Variants in TRPS1 observed in about 807,000 individuals in gnomAD.
TRPS1 encodes transcriptional repressor GATA binding 1, also known as zinc finger transcription factor Trps1.
A neutral mutation model predicts 101.2 loss-of-function variants in TRPS1; 6 were observed. The observed-to-expected ratio is 0.06, with a 90% CI of 0.03 to 0.12. TRPS1 has a LOEUF of 0.12. Ranked by LOEUF, TRPS1 falls within the 10% of genes least tolerant of loss-of-function variation. The pLI is 1.00. For missense variants in TRPS1, 1,363 were observed against 1,567.0 expected (o/e 0.87, Z 2.20); for synonymous variants, 578 against 589.8 (o/e 0.98, Z 0.29).
At chr8:115,641,116 G>A (rs559612814) in intron 1 of TRPS1, among the ~76,000 whole-genome samples, 1 of 152,246 alleles carries the variant, frequency 6.6e-6, no homozygotes, top group South Asian at 2.1e-4. Flanking sequence ...TAGATACACC[G>A]ACACTGTCAC....
At chr8:115,538,194 G>A (rs539614138) in intron 5 of TRPS1, among the ~76,000 whole-genome samples, 1 of 152,242 alleles carries the variant, frequency 6.6e-6, no homozygotes, top group South Asian at 2.1e-4. Context: ...GATTAGTGAT[G>A]GGTGAAACCA....
At position 115,414,061 on chromosome 8, in the gene TRPS1, T is replaced by C. The variant is rs751899162; in HGVS notation, c.3847A>G (p.Asn1283Asp). 1.9e-6 allele frequency: 3 copies of C among 1,613,786 alleles called. No homozygotes were observed. The highest frequency in any genetic ancestry group is 2.5e-6 in the Non-Finnish European group (3 of 1,179,788). ...THIQRGLHRN[N>D]AQVEKNGKPK... is the part of the protein sequence containing the mutation. ...TTTCCATTTTTTTCCACTTGTGCAT[T>C]GTTCCTATGCAGGCCCCTCTGGATA... The change falls in exon 7 of 7, where the codon AAT (asparagine) becomes GAT (aspartate). Residue 1283 changes from asparagine (N) to aspartate (D), a missense_variant. Coordinates refer to ENST00000395715, the MANE Select transcript of TRPS1 (RefSeq NM_014112.5). This position sits in a 1 kb window ranked among gnomAD's most constrained non-coding sequence, Gnocchi z 4.8.
At chr8:115,446,940 T>A (rs979198117) in intron 5 of TRPS1, among the ~76,000 whole-genome samples, 1 of 152,082 alleles carries the variant, frequency 6.6e-6, no homozygotes, top group African/African-American at 2.4e-5. Flanking sequence ...TACAATACTG[T>A]TTTTCAAAGG....
intron 5 of TRPS1, among the ~76,000 whole-genome samples, chr8:115,483,165 G>C (rs527317300): frequency 1.3e-5 from 2 of 152,230 alleles, no homozygotes; most frequent in African/African-American, 4.8e-5. Flanking sequence ...AGTGAGAGAG[G>C]AAGTAAAAAA....
At chr8:115,441,888 AGAGAGAGAGAGT>A (rs1813603223) in intron 5 of TRPS1, among the ~76,000 whole-genome samples, 1 of 142,852 alleles carries the variant, frequency 7.0e-6, no homozygotes, top group South Asian at 2.3e-4. Flanking sequence ...AGAGAGAGAG[AGAGAGAGAGAGT>A]GTGTGTGTGT....
chr8:115,524,823 T>A (rs1002713063), intron 5 of TRPS1, among the ~76,000 whole-genome samples: 2 of 152,208 alleles, frequency 1.3e-5, no homozygotes, highest in African/African-American at 4.8e-5. Flanking sequence ...AATAAACATC[T>A]TAGTATCGAT....
chr8:115,488,450 G>A (rs898836496), intron 5 of TRPS1, among the ~76,000 whole-genome samples: 1 of 152,132 alleles, frequency 6.6e-6, no homozygotes, highest in African/African-American at 2.4e-5. Flanking sequence ...CAGCCCTTTG[G>A]GAGGCCAAAG....
chr8:115,622,802 T>A (rs1322889110), intron 2 of TRPS1, among the ~76,000 whole-genome samples: 1 of 152,070 alleles, frequency 6.6e-6, no homozygotes, highest in African/African-American at 2.4e-5. Context: ...TTCATTAAGG[T>A]TAGCCTTCCA....
intron 4 of TRPS1, among the ~76,000 whole-genome samples, chr8:115,596,703 T>C (rs967522582): frequency 2.6e-5 from 4 of 151,820 alleles, no homozygotes; most frequent in African/African-American, 9.7e-5. Flanking sequence ...CATATATCTA[T>C]GTGCATATAT....
At chr8:115,498,425 A>T (rs4027188) in intron 5 of TRPS1, among the ~76,000 whole-genome samples, 1 of 80,884 alleles carries the variant, frequency 1.2e-5, no homozygotes. Context: ...CTATATATAT[A>T]TATATATATA....
At chr8:115,480,737 T>G (rs1480125309) in intron 5 of TRPS1, among the ~76,000 whole-genome samples, 1 of 152,140 alleles carries the variant, frequency 6.6e-6, no homozygotes, top group Non-Finnish European at 1.5e-5. Context: ...AATAGAAAGC[T>G]TCTTTTAAAA....
chr8:115,490,761 T>C (rs1815000890), intron 5 of TRPS1, among the ~76,000 whole-genome samples: 1 of 152,172 alleles, frequency 6.6e-6, no homozygotes, highest in Admixed American at 6.5e-5. Context: ...GAATCTTACC[T>C]TTAAGTTAAT....
At chr8:115,581,584 T>C (rs978295967) in intron 5 of TRPS1, among the ~76,000 whole-genome samples, 7 of 152,088 alleles carry the variant, frequency 4.6e-5, no homozygotes, top group Non-Finnish European at 4.4e-5. Flanking sequence ...AGCAGACTTA[T>C]AGAAAAGAAA....
rs555274064 is a variant in TRPS1 at position 115,533,653 on chromosome 8, T to C, written c.2700+53348A>G. ...GTAATTTTCAAATTCTGTCTGAACA[T>C]GGTGTCTTAGTCTGCTTGGGCTGCC... On this transcript the variant is annotated intron_variant, in intron 5 of 6. Transcript: ENST00000395715. 4.6e-5 allele frequency among the ~76,000 whole-genome samples: 7 copies of C among 152,182 alleles called. No individual in the cohort carries two copies. In the Middle Eastern group the frequency reaches 0.01, roughly 222 times the overall value.
intron 6 of TRPS1, 83 bp from the exon 7 acceptor site, chr8:115,415,167 C>T (rs538739464): frequency 7.1e-7 from 1 of 1,410,660 alleles, no homozygotes; most frequent in Non-Finnish European, 9.6e-7. Context: ...CAAATATAAA[C>T]CATGCTTAAG....
intron 5 of TRPS1, among the ~76,000 whole-genome samples, chr8:115,546,581 GACACAC>G (rs71287285): frequency 4.0e-4 from 59 of 147,912 alleles, no homozygotes; most frequent in East Asian, 6.0e-4. Flanking sequence ...TGTAAAATGT[GACACAC>G]ACACACACAC....
chr8:115,552,187 A>G (rs1334167266), intron 5 of TRPS1, among the ~76,000 whole-genome samples: 1 of 152,158 alleles, frequency 6.6e-6, no homozygotes, highest in Non-Finnish European at 1.5e-5. Context: ...TTTGACCTTT[A>G]TGTCACCAAA....
At chr8:115,624,753 C>G (rs1017559112) in intron 1 of TRPS1, among the ~76,000 whole-genome samples, 1 of 151,724 alleles carries the variant, frequency 6.6e-6, no homozygotes, top group Non-Finnish European at 1.5e-5. Flanking sequence ...AAATAATCAG[C>G]ATTAGAGCTT....
rs139842065 is a variant in TRPS1 at position 115,480,138 on chromosome 8, A to T, written c.2701-61686T>A. On this transcript the variant is annotated intron_variant, in intron 5 of 6. Coordinates refer to ENST00000395715, the MANE Select transcript of TRPS1 (RefSeq NM_014112.5). ...CATACTGAAGATGACTGTGAAAGTC[A>T]GACAGATTAAAATTAAGCACAAATC... 2.3e-3 allele frequency among the ~76,000 whole-genome samples: 357 copies of T among 152,240 alleles called. 1 individual carries two copies. Among genetic ancestry groups the T allele is most frequent in the African/African-American group, 8.1e-3 (338 of 41,566 alleles).
Sources: allele counts gnomAD v4.1 joint callset (sites outside exome capture counted in the v4.1 genomes callset), GRCh38; gene constraint gnomAD v4.1.1; non-coding constraint Gnocchi (gnomAD v3.1); transcripts MANE v1.5; gene names NCBI Gene and HGNC (gene_info 2026-07-23, HGNC 2026-07-21).